NMNAT2: variants seen among roughly 807,000 people sequenced by gnomAD.
NMNAT2 encodes the protein nicotinamide/nicotinic acid mononucleotide adenylyltransferase 2.
A neutral mutation model predicts 41.6 loss-of-function variants in NMNAT2; 11 were observed. That is an observed-to-expected ratio of 0.26 (90% CI 0.17 to 0.44). NMNAT2 has a LOEUF of 0.44. Among genes scored for constraint, NMNAT2 ranks in the 20% least tolerant of loss-of-function variants. The pLI is 1.00. For synonymous variants in NMNAT2, 148 were observed against 151.2 expected (o/e 0.98, Z 0.16); for missense variants, 288 against 407.7 (o/e 0.71, Z 2.53).
In NMNAT2 at chr1:183,302,040, G is replaced by T. The variant is rs1661867941; in HGVS notation, c.86-8247C>A. Among the ~76,000 whole-genome samples the T allele has an allele frequency of 2.6e-5, 4 of 152,326 alleles. No homozygotes were observed. The South Asian group carries it at 8.3e-4, about 32-fold the overall frequency. ...TAAATTTTAGGAAGACCAAGTGCTG[G>T]ATGATAAAGGAAGAAATCAAGCTTT... On this transcript the variant is annotated intron_variant, in intron 1 of 10. Coordinates refer to ENST00000287713, the MANE Select transcript of NMNAT2 (RefSeq NM_015039.4).
chr1:183,321,949 A>C (rs1662364589), intron 1 of NMNAT2, among the ~76,000 whole-genome samples: 2 of 151,804 alleles, frequency 1.3e-5, no homozygotes, highest in Admixed American at 6.6e-5. Context: ...TTCCTGAATA[A>C]CTGGAGCCAC....
At chr1:183,318,566 G>C (rs1662299450) in intron 1 of NMNAT2, among the ~76,000 whole-genome samples, 1 of 152,186 alleles carries the variant, frequency 6.6e-6, no homozygotes, top group African/African-American at 2.4e-5. Context: ...AATTTCTGAG[G>C]GCAGAGAGTT....
In NMNAT2 at chr1:183,391,255, G is replaced by A. The variant is rs1025359232; in HGVS notation, c.85+26928C>T. Among the ~76,000 whole-genome samples the A allele has an allele frequency of 9.2e-5, 14 of 152,216 alleles. No homozygotes were observed. The East Asian group carries it at 2.5e-3, about 27-fold the overall frequency. ...TCTCTATTTCACTCAGGAAACAGAA[G>A]CTCTCAGAAGGGAATTTCTCCATGT... On this transcript the variant is annotated intron_variant, in intron 1 of 10. Transcript: ENST00000287713.
rs145546780 is a variant in NMNAT2 at position 183,251,932 on chromosome 1, CGTGT to C, written c.*705_*708del. On this transcript the variant is annotated 3_prime_UTR_variant, in exon 11 of 11. Coordinates refer to ENST00000287713, the MANE Select transcript of NMNAT2 (RefSeq NM_015039.4). Reference sequence around the variant, plus strand: ...GTGCGCGGGTGCACACGCATGTGTGCGTGTGTGTGTGTGTGCGTGTGTGTGGTGC... The same window carrying C: ...GTGCGCGGGTGCACACGCATGTGTGCGTGTGTGTGTGCGTGTGTGTGGTGC... 3.9e-5 allele frequency: 6 copies of C among 155,348 alleles called. No homozygotes were observed. The South Asian group carries it at 7.3e-4, about 19-fold the overall frequency. The allele number at this position is 155,348 out of a possible 1,614,324, so 9.6% of individuals were successfully genotyped here.
At chr1:183,322,847 C>G (rs1662381297) in intron 1 of NMNAT2, among the ~76,000 whole-genome samples, 1 of 152,222 alleles carries the variant, frequency 6.6e-6, no homozygotes, top group Non-Finnish European at 1.5e-5. Flanking sequence ...GCAGACCTCT[C>G]CTCCAAGCCC....
At chr1:183,356,034 C>G (rs1663177639) in intron 1 of NMNAT2, among the ~76,000 whole-genome samples, 1 of 152,218 alleles carries the variant, frequency 6.6e-6, no homozygotes, top group African/African-American at 2.4e-5. Context: ...GCATCTGTCA[C>G]TCAGCACATG....
chr1:183,359,188 C>T (rs1370713888), intron 1 of NMNAT2, among the ~76,000 whole-genome samples: 4 of 152,064 alleles, frequency 2.6e-5, no homozygotes, highest in African/African-American at 4.8e-5. Context: ...AAATGTCCCT[C>T]CTTTTGGAAA....
intron 1 of NMNAT2, among the ~76,000 whole-genome samples, chr1:183,398,136 A>T (rs1021581013): frequency 2.0e-5 from 3 of 152,198 alleles, no homozygotes; most frequent in Non-Finnish European, 2.9e-5. Flanking sequence ...AAGAGTCAAG[A>T]CCTATCAGTG....
At chr1:183,341,739 A>AC (rs60186215) in intron 1 of NMNAT2, among the ~76,000 whole-genome samples, 5 of 141,450 alleles carry the variant, frequency 3.5e-5, no homozygotes, top group African/African-American at 1.1e-4. Context: ...AAAAAAAAAA[A>AC]AAAAAAAACC....
intron 1 of NMNAT2, among the ~76,000 whole-genome samples, chr1:183,297,554 G>A (rs137962464): frequency 2.4e-3 from 358 of 152,116 alleles, no homozygotes; most frequent in African/African-American, 8.2e-3. Flanking sequence ...GGCTAATTTT[G>A]TATTTTTAGT....
chr1:183,396,927 C>A (rs1244402519), intron 1 of NMNAT2, among the ~76,000 whole-genome samples: 1 of 152,132 alleles, frequency 6.6e-6, no homozygotes. Flanking sequence ...TAGTTTGGTG[C>A]CATGTGACTC....
chr1:183,405,583 C>T (rs2702184), intron 1 of NMNAT2, among the ~76,000 whole-genome samples: 5,239 of 152,258 alleles, frequency 0.034, 220 homozygotes, highest in African/African-American at 0.11. Flanking sequence ...AATAGGGAAG[C>T]GTCCACCACA....
chr1:183,306,018 G>A (rs1016278059), intron 1 of NMNAT2, among the ~76,000 whole-genome samples: 23 of 152,068 alleles, frequency 1.5e-4, no homozygotes, highest in African/African-American at 4.1e-4. Flanking sequence ...CACCGCGCCC[G>A]GCCCTTTACA....
intron 1 of NMNAT2, among the ~76,000 whole-genome samples, chr1:183,348,680 C>T (rs1327526378): frequency 6.6e-6 from 1 of 152,142 alleles, no homozygotes; most frequent in Non-Finnish European, 1.5e-5. Flanking sequence ...AAGTAGGATC[C>T]CTTTGCTTTA....
At chr1:183,306,375 G>A (rs1661994035) in intron 1 of NMNAT2, among the ~76,000 whole-genome samples, 1 of 152,114 alleles carries the variant, frequency 6.6e-6, no homozygotes, top group South Asian at 2.1e-4. Context: ...AACATTCTTT[G>A]ATTTTCAAAC....
chr1:183,334,140 C>A (rs985940751), intron 1 of NMNAT2, among the ~76,000 whole-genome samples: 2 of 152,230 alleles, frequency 1.3e-5, no homozygotes, highest in Non-Finnish European at 2.9e-5. Context: ...TCTCGGCTCA[C>A]TGAAACCACC....
At chr1:183,268,934 C>T (rs1217847601) in intron 8 of NMNAT2, among the ~76,000 whole-genome samples, 1 of 152,062 alleles carries the variant, frequency 6.6e-6, no homozygotes, top group African/African-American at 2.4e-5. Context: ...TGCCTGAGTC[C>T]CAGCTACTTG....
At chr1:183,394,524 C>A (rs1557899050) in intron 1 of NMNAT2, among the ~76,000 whole-genome samples, 1 of 152,184 alleles carries the variant, frequency 6.6e-6, no homozygotes, top group Non-Finnish European at 1.5e-5. Flanking sequence ...CTCTAAGTCT[C>A]CATTATTTTC....
chr1:183,383,153 G>A (rs963600500), intron 1 of NMNAT2, among the ~76,000 whole-genome samples: 3 of 152,188 alleles, frequency 2.0e-5, no homozygotes, highest in East Asian at 1.9e-4. Context: ...CTTATGGCTT[G>A]TACTCTCTGG....
Sources: gnomAD v4.1 joint callset for allele counts (sites outside exome capture counted in the v4.1 genomes callset) on GRCh38, gnomAD v4.1.1 for gene constraint, MANE v1.5 for transcripts, NCBI Gene and HGNC (gene_info 2026-07-23, HGNC 2026-07-21) for gene names.